Variants in LARGE1 observed in about 807,000 individuals in gnomAD.
LARGE1 encodes the protein LARGE xylosyl- and glucuronyltransferase 1.
LARGE1 carries 43 observed loss-of-function variants against 87.6 expected under a neutral mutation model. That is an observed-to-expected ratio of 0.49 (90% CI 0.38 to 0.63). The LOEUF (loss-of-function observed/expected upper bound fraction) is 0.63, where lower values mean the gene tolerates loss of function less well. LARGE1 is among the 30% of genes least tolerant of loss of function. LARGE1 has a pLI of 0.00. For synonymous variants in LARGE1, 434 were observed against 394.6 expected (o/e 1.10, Z -1.18); for missense variants, 802 against 1,000.2 (o/e 0.80, Z 2.67).
chr22:33,909,440 T>C (rs1452809733), intron 1 of LARGE1, among the ~76,000 whole-genome samples: 1 of 151,940 alleles, frequency 6.6e-6, no homozygotes, highest in Non-Finnish European at 1.5e-5. Context: ...AACCAGGGCC[T>C]TTAGCACACC....
intron 6 of LARGE1, among the ~76,000 whole-genome samples, chr22:33,555,405 GA>G (rs1048025101): frequency 6.1e-4 from 91 of 149,058 alleles, no homozygotes; most frequent in African/African-American, 1.6e-3. Context: ...GAGTCCTCTT[GA>G]AAAAAAAAAT....
At chr22:33,911,476 C>T (rs2065635548) in intron 1 of LARGE1, among the ~76,000 whole-genome samples, 1 of 152,170 alleles carries the variant, frequency 6.6e-6, no homozygotes, top group South Asian at 2.1e-4. Context: ...GGACCAAGTA[C>T]TGAGTCCCTC....
chr22:33,549,153 C>T lies in LARGE1; in HGVS notation c.787+15695G>A, dbSNP rs200807812. The stretch of plus-strand genomic sequence containing the variant: ...CCCTCCATTCATCTCAATAAGGACC[C>T]TGCATACATACCTCTGCCTGCTGCA... On this transcript the variant is annotated intron_variant, in intron 6 of 14. Transcript: ENST00000397394. Among the ~76,000 whole-genome samples the T allele has an allele frequency of 5.9e-5, 9 of 152,318 alleles. No individual in the cohort carries two copies. The East Asian group carries it at 1.4e-3, about 23-fold the overall frequency.
At chr22:33,470,094 G>A (rs934417296) in intron 6 of LARGE1, among the ~76,000 whole-genome samples, 5 of 151,568 alleles carry the variant, frequency 3.3e-5, no homozygotes, top group East Asian at 4.0e-4. Context: ...GTTTCACCAC[G>A]TTAGCCAGGA....
At chr22:33,785,070 T>A (rs1425570681) in intron 1 of LARGE1, among the ~76,000 whole-genome samples, 1 of 137,276 alleles carries the variant, frequency 7.3e-6, no homozygotes, top group African/African-American at 2.7e-5. Flanking sequence ...TATAGATATA[T>A]GTGTATACAT....
chr22:33,365,037 G>A (rs1569097299), intron 9 of LARGE1, among the ~76,000 whole-genome samples: 1 of 152,030 alleles, frequency 6.6e-6, no homozygotes, highest in East Asian at 1.9e-4. Flanking sequence ...AAAGTTTTTA[G>A]TTGTACTTAT....
intron 11 of LARGE1, among the ~76,000 whole-genome samples, chr22:33,193,651 C>G (rs1024573397): frequency 9.9e-5 from 15 of 151,892 alleles, no homozygotes; most frequent in Non-Finnish European, 2.1e-4. Flanking sequence ...AACCCCATCT[C>G]TACTAAAAAT....
chr22:33,632,020 C>T (rs964361246), intron 3 of LARGE1, among the ~76,000 whole-genome samples: 4 of 152,162 alleles, frequency 2.6e-5, no homozygotes, highest in African/African-American at 9.7e-5. Context: ...ACTCATGTTT[C>T]TCTGTCACAA....
intron 10 of LARGE1, among the ~76,000 whole-genome samples, chr22:33,330,388 T>C (rs1230919723): frequency 2.6e-5 from 4 of 152,144 alleles, no homozygotes; most frequent in Admixed American, 2.6e-4. Flanking sequence ...AGCGGATCGA[T>C]CATAGCTCAC....
At chr22:33,661,620 C>T (rs951167365) in intron 2 of LARGE1, among the ~76,000 whole-genome samples, 11 of 151,998 alleles carry the variant, frequency 7.2e-5, no homozygotes, top group Non-Finnish European at 1.5e-4. Flanking sequence ...TTTGAGGATG[C>T]CAGACAAATC....
chr22:33,097,115 C>T, the LARGE1 span, among the ~76,000 whole-genome samples: 4 of 152,200 alleles, frequency 2.6e-5, no homozygotes, highest in African/African-American at 9.6e-5. Flanking sequence ...CACCTGGGCC[C>T]CCTTCCTTTG....
intron 6 of LARGE1, among the ~76,000 whole-genome samples, chr22:33,505,952 G>A (rs1278388998): frequency 2.0e-5 from 3 of 152,104 alleles, no homozygotes; most frequent in Non-Finnish European, 2.9e-5. Flanking sequence ...AAATTATCAT[G>A]CCAATCCCTG....
intron 9 of LARGE1, among the ~76,000 whole-genome samples, chr22:33,360,452 G>C (rs1206293452): frequency 2.7e-5 from 4 of 149,736 alleles, no homozygotes; most frequent in Non-Finnish European, 6.0e-5. Context: ...CATGGCAGAA[G>C]GGGCATGGCA....
chr22:33,916,900 T>C (rs1282909563), intron 1 of LARGE1, among the ~76,000 whole-genome samples: 1 of 152,320 alleles, frequency 6.6e-6, no homozygotes, highest in East Asian at 1.9e-4. Context: ...TTCCAATCTC[T>C]TACCCCTTGG....
intron 1 of LARGE1, among the ~76,000 whole-genome samples, chr22:33,864,885 C>G (rs1428560678): frequency 6.6e-6 from 1 of 152,200 alleles, no homozygotes; most frequent in Non-Finnish European, 1.5e-5. Flanking sequence ...TGGCCTTATC[C>G]TGCAGGCCTC....
At chr22:33,566,934 TC>T (rs772332856) in intron 5 of LARGE1, among the ~76,000 whole-genome samples, 2 of 152,130 alleles carry the variant, frequency 1.3e-5, no homozygotes, top group African/African-American at 2.4e-5. Flanking sequence ...TCACCTCTCA[TC>T]AATTTCAAAA....
chr22:33,728,182 A>G (rs1305176975), intron 2 of LARGE1, among the ~76,000 whole-genome samples: 1 of 152,068 alleles, frequency 6.6e-6, no homozygotes, highest in Non-Finnish European at 1.5e-5. Context: ...TTCATCATCT[A>G]CACCTATACA....
At chr22:33,413,963 C>A (rs1024497382) in intron 7 of LARGE1, among the ~76,000 whole-genome samples, 1 of 152,114 alleles carries the variant, frequency 6.6e-6, no homozygotes, top group Non-Finnish European at 1.5e-5. Flanking sequence ...TGGGGTGTTA[C>A]AATATCTTGC....
At chr22:33,089,254 G>GTCTTCTTCC in the LARGE1 span, among the ~76,000 whole-genome samples, 1 of 151,440 alleles carries the variant, frequency 6.6e-6, no homozygotes, top group South Asian at 2.1e-4. Flanking sequence ...TGTTTCTTCT[G>GTCTTCTTCC]TCTTCTTCCT....
Sources: gnomAD v4.1 joint callset for allele counts (sites outside exome capture counted in the v4.1 genomes callset) on GRCh38, gnomAD v4.1.1 for gene constraint, MANE v1.5 for transcripts, NCBI Gene and HGNC (gene_info 2026-07-23, HGNC 2026-07-21) for gene names.